SLC5A9: variants seen among roughly 807,000 people sequenced by gnomAD.
SLC5A9 encodes solute carrier family 5 member 9.
SLC5A9 carries 59 observed loss-of-function variants against 70.9 expected under a neutral mutation model. That is an observed-to-expected ratio of 0.83 (90% CI 0.68 to 1.03). The LOEUF is 1.03. SLC5A9 is among the 50% of genes least tolerant of loss of function. SLC5A9 has a pLI of 0.00. For missense variants in SLC5A9, 832 were observed against 881.1 expected, an observed-to-expected ratio of 0.94 and a Z score of 0.71; for synonymous variants, 340 against 346.5, an observed-to-expected ratio of 0.98 and a Z score of 0.21.
chr1:48,229,000 C>A, intron 3 of SLC5A9, 46 bp downstream of exon 3: 1 of 1,613,194 alleles, frequency 6.2e-7, no homozygotes, highest in Non-Finnish European at 8.5e-7. Context: ...GGGTCTAACC[C>A]ACCTCTGTCT....
At chr1:48,241,119 T>C (rs1644385969) in intron 12 of SLC5A9, 1 of 152,238 alleles carries the variant, frequency 6.6e-6, no homozygotes, top group African/African-American at 2.4e-5. Context: ...GCTCCTGAAA[T>C]ATCAGTGTTC....
chr1:48,245,843 C>A (rs1304529705), intron 13 of SLC5A9, among the ~76,000 whole-genome samples: 1 of 151,894 alleles, frequency 6.6e-6, no homozygotes, highest in Non-Finnish European at 1.5e-5. Context: ...CACCTGTGGT[C>A]ATAGCTGCTC....
chr1:48,241,950 A>G, intron 12 of SLC5A9: 1 of 456,172 alleles, frequency 2.2e-6, no homozygotes, highest in Non-Finnish European at 4.4e-6. Context: ...TCAGGTGCCC[A>G]TTATTTTTGG....
intron 8 of SLC5A9, among the ~76,000 whole-genome samples, chr1:48,233,010 C>CGAA (rs1644274159): frequency 1.1e-5 from 1 of 87,984 alleles, no homozygotes; most frequent in Non-Finnish European, 2.1e-5. Flanking sequence ...AAGGAAGGAA[C>CGAA]GAAGAGAGGG....
At chr1:48,233,379 AAAAAAAAGAT>A (rs1264621434) in intron 8 of SLC5A9, among the ~76,000 whole-genome samples, 1 of 150,290 alleles carries the variant, frequency 6.7e-6, no homozygotes. Flanking sequence ...AAAAAAAAAA[AAAAAAAAGAT>A]AGAAAAGAAC....
At chr1:48,232,193 G>C in intron 7 of SLC5A9, 42 bp downstream of exon 7, 1 of 1,583,570 alleles carries the variant, frequency 6.3e-7, no homozygotes, top group African/African-American at 1.3e-5. Flanking sequence ...CCAGGAAGTG[G>C]GGTGGCTTCC....
At chr1:48,231,687 G>T in intron 6 of SLC5A9, 62 bp downstream of exon 6, 1 of 1,591,146 alleles carries the variant, frequency 6.3e-7, no homozygotes, top group Non-Finnish European at 8.6e-7. Context: ...TCCTGTCTCT[G>T]CCACCTCCAC....
rs1644474231 is a variant in SLC5A9, at chr1:48,247,551, G to A, written c.*8G>A. The A allele has an allele frequency of 5.6e-6, 9 of 1,614,050 alleles. No homozygotes were observed. Among genetic ancestry groups the A allele is most frequent in the Non-Finnish European group, 6.8e-6 (8 of 1,179,912 alleles). On this transcript the variant is annotated 3_prime_UTR_variant, in exon 14 of 14. Transcript: ENST00000438567. ...TGGGGCTATTTTGCGTGATTCCACA[G>A]ACCTGGCTTCAGTGTAGACAGATTA... is the stretch of plus-strand genomic sequence containing the variant.
intron 1 of SLC5A9, among the ~76,000 whole-genome samples, chr1:48,223,745 G>T (rs1406729922): frequency 1.3e-5 from 2 of 152,234 alleles, no homozygotes; most frequent in African/African-American, 4.8e-5. Flanking sequence ...TATAAAGGGG[G>T]GTGAACAGTC....
Position 48,232,468 on chromosome 1 carries a change from C to T in SLC5A9, c.999C>T (p.Val333=). Residue 333 remains valine, a synonymous_variant, in exon 8 of 14, where the codon GTC becomes GTT. Transcript: ENST00000438567. ...AGATCCTCCCCATGTTCTTCATCGTCATGCCTGGCATGATCAGCCGGGCCC... is the reference window on the plus strand; with the variant it reads ...AGATCCTCCCCATGTTCTTCATCGTTATGCCTGGCATGATCAGCCGGGCCC... The part of the protein sequence containing the change: ...YLKILPMFFI[V]MPGMISRALF... 6.2e-7 allele frequency: 1 copy of T among 1,614,214 alleles called. No homozygotes were observed. The highest frequency in any genetic ancestry group is 8.5e-7 in the Non-Finnish European group (1 of 1,180,038).
intron 8 of SLC5A9, among the ~76,000 whole-genome samples, chr1:48,233,360 C>CAAAAAAAAAAAAAAAAAAAAAAAAAAA (rs1157245912): frequency 3.4e-5 from 2 of 58,714 alleles, no homozygotes; most frequent in Non-Finnish European, 5.7e-5. Flanking sequence ...GACTCCATCT[C>CAAAAAAAAAAAAAAAAAAAAAAAAAAA]AAAAAAAAAA....
intron 6 of SLC5A9, 114 bp from the exon 7 acceptor site, chr1:48,231,832 C>G (rs1298600123): frequency 1.3e-6 from 2 of 1,551,436 alleles, no homozygotes; most frequent in East Asian, 2.3e-5. Flanking sequence ...CCTCCTTCAC[C>G]CCCAATCCCC....
chr1:48,234,114 G>C (rs1644295210), intron 9 of SLC5A9, among the ~76,000 whole-genome samples: 1 of 152,202 alleles, frequency 6.6e-6, no homozygotes, highest in Non-Finnish European at 1.5e-5. Context: ...GAGGATGTCT[G>C]GAATGTCTCC....
Position 48,233,671 on chromosome 1 carries a change from G to A in SLC5A9, c.1050G>A (p.Val350=), listed in dbSNP as rs1644288608. The stretch of plus-strand genomic sequence containing the variant: ...CTTCCACAGACGAGGTGGGCTGCGT[G>A]GACCCTGATGTCTGCCAAAGAATCT... ...RALFPDEVGC[V]DPDVCQRICG... is the part of the protein sequence containing the mutation. Residue 350 remains valine (V), a synonymous_variant, in exon 9 of 14, where the codon GTG becomes GTA. Transcript: ENST00000438567. The A allele has an allele frequency of 6.2e-7, 1 of 1,613,964 alleles. No individual in the cohort carries two copies. Among genetic ancestry groups the A allele is most frequent in the East Asian group, 2.2e-5 (1 of 44,830 alleles).
rs1266125669 is a variant in SLC5A9 at position 48,247,905 on chromosome 1, AAAGGAGCAGG to A, written c.*366_*375del. On this transcript the variant is annotated 3_prime_UTR_variant, in exon 14 of 14. Transcript: ENST00000438567. ...GAGTAGAAAAATGGAGGATACAAGA[AAAGGAGCAGG>A]AAGAAATTTGCAAAAATCCAAGAGC... The A allele has an allele frequency of 4.4e-6, 1 of 226,058 alleles. No individual in the cohort carries two copies. The highest frequency in any genetic ancestry group is 9.5e-5 in the East Asian group (1 of 10,552). The allele number at this position is 226,058 out of a possible 1,614,324, so 14.0% of individuals were successfully genotyped here.
In SLC5A9 at chr1:48,231,512, GCTGACTGATGAGCC is replaced by G. The variant is rs1299103387; in HGVS notation, c.611-30_611-17del. On this transcript the variant is annotated intron_variant, in intron 5 of 13. Transcript: ENST00000438567. ...CAGCCAGAGAGGACCCCAAACTGGT[GCTGACTGATGAGCC>G]CTCTCCTTGGGTCCCCAGGTGGCCT... 6.2e-7 allele frequency: 1 copy of G among 1,612,016 alleles called. No homozygotes were observed. The highest frequency in any genetic ancestry group is 8.5e-7 in the Non-Finnish European group (1 of 1,179,354).
intron 12 of SLC5A9, among the ~76,000 whole-genome samples, chr1:48,241,687 T>C (rs1171504185): frequency 1.3e-5 from 2 of 151,038 alleles, no homozygotes; most frequent in African/African-American, 2.4e-5. Context: ...ATCATCATAT[T>C]TGTGTGTGTA....
At position 48,247,639 on chromosome 1, in the gene SLC5A9, G is replaced by A. The variant is rs1004054057; in HGVS notation, c.*96G>A. On this transcript the variant is annotated 3_prime_UTR_variant, in exon 14 of 14. Coordinates refer to ENST00000438567, the MANE Select transcript of SLC5A9 (RefSeq NM_001011547.3). ...TCCTCTTACTTTGCTGTCTAAACTGGAGATCACAGAAGTCAAGACTGCAAG... is the reference window on the plus strand; with the variant it reads ...TCCTCTTACTTTGCTGTCTAAACTGAAGATCACAGAAGTCAAGACTGCAAG... The A allele has an allele frequency of 1.6e-6, 2 of 1,277,414 alleles. No homozygotes were observed. Among genetic ancestry groups the A allele is most frequent in the East Asian group, 2.3e-5 (1 of 42,814 alleles). The allele number at this position is 1,277,414 out of a possible 1,614,324, so 79.1% of individuals were successfully genotyped here.
chr1:48,237,650 G>A, intron 10 of SLC5A9, 29 bp from the exon 11 acceptor site: 1 of 1,608,838 alleles, frequency 6.2e-7, no homozygotes, highest in Non-Finnish European at 8.5e-7. Flanking sequence ...ACCCGAGTGT[G>A]CCTCAGTGCC....
Sources: allele counts gnomAD v4.1 joint callset (sites outside exome capture counted in the v4.1 genomes callset), GRCh38; gene constraint gnomAD v4.1.1; transcripts MANE v1.5; gene names NCBI Gene and HGNC (gene_info 2026-07-23, HGNC 2026-07-21).